ATP6V0D2: variants seen among roughly 807,000 people sequenced by gnomAD.
ATP6V0D2 encodes the protein ATPase H+ transporting V0 subunit d2.
A neutral mutation model predicts 40.0 loss-of-function variants in ATP6V0D2; 40 were observed. The ratio of observed to expected loss-of-function variants is 1.00; its 90% CI spans 0.78 to 1.30. The LOEUF is 1.30. Among genes scored for constraint, ATP6V0D2 ranks in the 50% most tolerant of loss-of-function variants. The pLI, the probability that ATP6V0D2 is intolerant of heterozygous loss-of-function variation, is 0.00. For missense variants in ATP6V0D2, 470 were observed against 423.1 expected (o/e 1.11, Z -0.97); for synonymous variants, 179 against 156.3 (o/e 1.15, Z -1.08).
At chr8:86,131,644 G>A (rs7004596) in intron 2 of ATP6V0D2, among the ~76,000 whole-genome samples, 71 of 151,904 alleles carry the variant, frequency 4.7e-4, no homozygotes, top group Middle Eastern at 3.4e-3. Context: ...GGGATTACAG[G>A]CACCTGTCAC....
intron 1 of ATP6V0D2, among the ~76,000 whole-genome samples, chr8:86,102,839 T>C (rs1352692796): frequency 6.6e-6 from 1 of 152,198 alleles, no homozygotes; most frequent in Non-Finnish European, 1.5e-5. Flanking sequence ...TCACTGGTAT[T>C]GCTTTAAAGT....
At chr8:86,138,344 T>C (rs945140725) in intron 2 of ATP6V0D2, among the ~76,000 whole-genome samples, 1 of 152,236 alleles carries the variant, frequency 6.6e-6, no homozygotes, top group African/African-American at 2.4e-5. Flanking sequence ...CACCCTATAA[T>C]TTATTTTGCA....
intron 2 of ATP6V0D2, among the ~76,000 whole-genome samples, chr8:86,118,779 G>A (rs939174970): frequency 2.6e-5 from 4 of 152,084 alleles, no homozygotes; most frequent in African/African-American, 2.4e-5. Context: ...ACAATATGCC[G>A]GGGACTTTAT....
At position 86,153,016 on chromosome 8, in the gene ATP6V0D2, T is replaced by C. The variant is rs1819178492; in HGVS notation, c.*39T>C. On this transcript the variant is annotated 3_prime_UTR_variant, in exon 8 of 8. Transcript: ENST00000285393. Reference sequence around the variant, plus strand: ...CTCAAATGTAGAAAATTATAAATGTTAAAAGGAAGTTATTGAAGAAAATAA... The same window carrying C: ...CTCAAATGTAGAAAATTATAAATGTCAAAAGGAAGTTATTGAAGAAAATAA... The C allele has an allele frequency of 1.3e-6, 2 of 1,494,732 alleles. No homozygotes were observed. The highest frequency in any genetic ancestry group is 1.8e-6 in the Non-Finnish European group (2 of 1,116,152). 92.6% of individuals were successfully genotyped at this position (1,494,732 alleles called of 1,614,324 possible). A position where few individuals can be genotyped will look rare whatever the true frequency, so the allele number is the denominator to read the frequency against.
intron 2 of ATP6V0D2, among the ~76,000 whole-genome samples, chr8:86,115,358 A>ATTTT (rs564384965): frequency 0.064 from 4,676 of 73,194 alleles, 811 homozygotes; most frequent in East Asian, 0.13. Context: ...CGTATCATCC[A>ATTTT]TTTTTTTTTT....
intron 2 of ATP6V0D2, among the ~76,000 whole-genome samples, chr8:86,118,217 C>G (rs571352146): frequency 4.2e-5 from 6 of 143,180 alleles, no homozygotes; most frequent in Non-Finnish European, 9.2e-5. Context: ...CACGCCACCA[C>G]GCCCAGCTAA....
intron 5 of ATP6V0D2, among the ~76,000 whole-genome samples, chr8:86,145,939 A>G (rs1344880499): frequency 6.6e-6 from 1 of 152,234 alleles, no homozygotes; most frequent in Non-Finnish European, 1.5e-5. Flanking sequence ...AACCACACAG[A>G]ATAGGTAGTC....
chr8:86,153,235 A>G lies in ATP6V0D2; in HGVS notation c.*258A>G, dbSNP rs148275781. On this transcript the variant is annotated 3_prime_UTR_variant, in exon 8 of 8. Transcript: ENST00000285393. The stretch of plus-strand genomic sequence containing the variant: ...TTACAGGTTAGTTTTAATTAACTCT[A>G]TGGTATTTTTCTTATTCTTGTTTGA... The G allele has an allele frequency of 1.2e-5, 3 of 249,452 alleles. No homozygotes were observed. Among genetic ancestry groups the G allele is most frequent in the South Asian group, 1.5e-4 (1 of 6,566 alleles). The allele number at this position is 249,452 out of a possible 1,614,324, so 15.5% of individuals were successfully genotyped here. A position where few individuals can be genotyped will look rare whatever the true frequency, so the allele number is the denominator to read the frequency against.
intron 2 of ATP6V0D2, among the ~76,000 whole-genome samples, chr8:86,124,464 T>C (rs1818713279): frequency 1.3e-5 from 2 of 152,164 alleles, no homozygotes; most frequent in Admixed American, 6.6e-5. Flanking sequence ...CTTTTAAAAA[T>C]CATGATTTAC....
intron 6 of ATP6V0D2, 45 bp downstream of exon 6, chr8:86,150,333 T>C (rs752057588): frequency 1.3e-6 from 2 of 1,570,392 alleles, no homozygotes; most frequent in South Asian, 1.2e-5. Flanking sequence ...TGTTCATTCA[T>C]TTCCATGTGC....
chr8:86,141,450 C>A lies in ATP6V0D2; in HGVS notation c.482C>A (p.Ala161Asp). The change falls in exon 4 of 8, where the codon GCT (alanine) becomes GAT (aspartate). Residue 161 changes from alanine (A) to aspartate (D), a missense_variant and splice_region_variant. Transcript: ENST00000285393. ...FNAILIETPL[A>D]PFFQDCMSEN... The stretch of plus-strand genomic sequence containing the variant: ...TTGGTATGGCAATTTCTGCTTTCAG[C>A]TCCATTCTTCCAAGACTGCATGTCT... 1 of 1,608,548 alleles carries A rather than the reference C, an allele frequency of 6.2e-7. No homozygotes were observed.
At chr8:86,132,155 A>G (rs1818834207) in intron 2 of ATP6V0D2, among the ~76,000 whole-genome samples, 1 of 152,160 alleles carries the variant, frequency 6.6e-6, no homozygotes, top group South Asian at 2.1e-4. Context: ...AAAAAGCTTT[A>G]GGGCACTAAA....
intron 2 of ATP6V0D2, among the ~76,000 whole-genome samples, chr8:86,138,247 TA>T (rs1818924155): frequency 6.6e-6 from 1 of 152,240 alleles, no homozygotes; most frequent in African/African-American, 2.4e-5. Flanking sequence ...CAGCTTCTAC[TA>T]ATTCTTCAAG....
rs1373415293 is a variant in ATP6V0D2, at chr8:86,150,131, C to T, written c.659C>T (p.Ala220Val). ...PILEFEADRR[A>V]FIITLNSFGT... ...ATTCAGTTTGAGGCCGACAGACGTG[C>T]TTTTATCATCACTCTTAACTCCTTT... is the stretch of plus-strand genomic sequence containing the variant. Residue 220 changes from alanine to valine, a missense_variant, in exon 6 of 8, where the codon GCT becomes GTT. Ala to Val is a moderately conservative substitution (Grantham distance 64, BLOSUM62 0). Transcript: ENST00000285393. 2 of 1,612,496 alleles carry T rather than the reference C, an allele frequency of 1.2e-6. No homozygotes were observed. The highest frequency in any genetic ancestry group is 8.5e-7 in the Non-Finnish European group (1 of 1,179,440).
At chr8:86,140,154 T>C (rs1277059250) in intron 3 of ATP6V0D2, among the ~76,000 whole-genome samples, 1 of 152,178 alleles carries the variant, frequency 6.6e-6, no homozygotes, top group Non-Finnish European at 1.5e-5. Context: ...GAAGCAATGA[T>C]GAAATGATTG....
chr8:86,099,378 A>G (rs897921709), intron 1 of ATP6V0D2, among the ~76,000 whole-genome samples: 1 of 152,216 alleles, frequency 6.6e-6, no homozygotes, highest in Admixed American at 6.5e-5. Flanking sequence ...AGTATCTGTG[A>G]CACTGTCACC....
At chr8:86,148,168 G>T (rs1044198854) in intron 5 of ATP6V0D2, among the ~76,000 whole-genome samples, 15 of 152,136 alleles carry the variant, frequency 9.9e-5, no homozygotes, top group African/African-American at 3.6e-4. Flanking sequence ...TACCTCCATT[G>T]TTGCTCTAGT....
chr8:86,124,253 A>G (rs1451636477), intron 2 of ATP6V0D2, among the ~76,000 whole-genome samples: 1 of 152,196 alleles, frequency 6.6e-6, no homozygotes, highest in African/African-American at 2.4e-5. Flanking sequence ...CATTTTGTGA[A>G]TTGAAAAACA....
chr8:86,133,972 G>C (rs1818863294), intron 2 of ATP6V0D2, among the ~76,000 whole-genome samples: 1 of 152,144 alleles, frequency 6.6e-6, no homozygotes, highest in Non-Finnish European at 1.5e-5. Flanking sequence ...AAGAAGCTAA[G>C]TGAAACCCCA....
Sources: gnomAD v4.1 joint callset for allele counts (sites outside exome capture counted in the v4.1 genomes callset) on GRCh38, gnomAD v4.1.1 for gene constraint, MANE v1.5 for transcripts, NCBI Gene and HGNC (gene_info 2026-07-23, HGNC 2026-07-21) for gene names.